The following HDLBP variants were observed in gnomAD, a reference collection of about 807,000 sequenced individuals.
HDLBP encodes the protein high density lipoprotein binding protein, also known as vigilin.
HDLBP carries 30 observed loss-of-function variants against 137.3 expected under a neutral mutation model. The ratio of observed to expected loss-of-function variants is 0.22; its 90% CI spans 0.16 to 0.30. HDLBP has a LOEUF of 0.30. Among genes scored for constraint, HDLBP ranks in the 10% least tolerant of loss-of-function variants. The pLI, the probability that HDLBP is intolerant of heterozygous loss-of-function variation, is 1.00. For missense variants in HDLBP, 1,119 were observed against 1,667.3 expected, an observed-to-expected ratio of 0.67 and a Z score of 5.73; for synonymous variants, 606 against 596.0, an observed-to-expected ratio of 1.02 and a Z score of -0.24.
intron 3 of HDLBP, among the ~76,000 whole-genome samples, chr2:241,265,476 G>T (rs1212681726): frequency 1.3e-5 from 2 of 152,184 alleles, no homozygotes; most frequent in Non-Finnish European, 2.9e-5. Context: ...CCTGCCCAAG[G>T]CAGAGGACAG....
At chr2:241,260,563 A>T (rs1574951705) in intron 5 of HDLBP, among the ~76,000 whole-genome samples, 2 of 152,332 alleles carry the variant, frequency 1.3e-5, no homozygotes, top group African/African-American at 4.8e-5. Flanking sequence ...CAACTAATGT[A>T]TGAGCAGGGA....
At chr2:241,257,770 C>A (rs951664114) in intron 5 of HDLBP, among the ~76,000 whole-genome samples, 5 of 151,982 alleles carry the variant, frequency 3.3e-5, no homozygotes, top group African/African-American at 1.2e-4. Flanking sequence ...ACAAGAAAAC[C>A]CTGAAAAAGA....
chr2:241,263,122 GGA>G (rs2073335131), intron 4 of HDLBP, among the ~76,000 whole-genome samples, 196 bp from the exon 5 acceptor site: 2 of 152,248 alleles, frequency 1.3e-5, no homozygotes, highest in Admixed American at 6.5e-5. Context: ...GACATCCTAA[GGA>G]GAGAACCACA....
At chr2:241,273,203 G>A (rs527731159) in intron 1 of HDLBP, 155 of 985,382 alleles carry the variant, frequency 1.6e-4, no homozygotes, top group Middle Eastern at 5.2e-4. Flanking sequence ...ATCGTAAACG[G>A]ATGGCCACAC....
chr2:241,291,397 C>T (rs570294356), intron 1 of HDLBP, among the ~76,000 whole-genome samples: 1 of 152,218 alleles, frequency 6.6e-6, no homozygotes, highest in East Asian at 1.9e-4. Context: ...ATGACACAAG[C>T]CAACTTGGGT....
At chr2:241,265,131 C>T (rs552061902) in intron 3 of HDLBP, among the ~76,000 whole-genome samples, 35 of 152,272 alleles carry the variant, frequency 2.3e-4, no homozygotes, top group East Asian at 3.9e-4. Context: ...AAATGATTGC[C>T]GTGGAGGCCG....
intron 1 of HDLBP, among the ~76,000 whole-genome samples, chr2:241,311,195 C>A (rs1444466608): frequency 6.6e-6 from 1 of 152,106 alleles, no homozygotes; most frequent in African/African-American, 2.4e-5. Flanking sequence ...TAGTCACACA[C>A]AAAGGCTCTA....
rs1194166211 is a variant in HDLBP at position 241,242,597 on chromosome 2, A to T, written c.2032T>A (p.Ser678Thr). The change falls in exon 17 of 28, where the codon TCC (serine) becomes ACC (threonine). Residue 678 changes from serine to threonine, a missense_variant. Physicochemically the swap from Ser to Thr is moderately conservative, Grantham distance 58. Coordinates refer to ENST00000310931, the MANE Select transcript of HDLBP (RefSeq NM_005336.6). ...LIGTKGRLIRSIMEECGGVHI... is the reference protein window; with the variant it reads ...LIGTKGRLIRTIMEECGGVHI... ...ACCCCGCCGCACTCCTCCATGATGG[A>T]GCGGATCAGACGGCCCTTGGTGCCA... 6.2e-7 allele frequency: 1 copy of T among 1,614,176 alleles called. No homozygotes were observed. The highest frequency in any genetic ancestry group is 8.5e-7 in the Non-Finnish European group (1 of 1,180,018).
intron 1 of HDLBP, among the ~76,000 whole-genome samples, chr2:241,314,667 T>C (rs1453320340): frequency 6.6e-6 from 1 of 152,174 alleles, no homozygotes; most frequent in East Asian, 1.9e-4. Context: ...AAACACCATG[T>C]CAAGTCTGAC....
chr2:241,255,959 G>A (rs2072580492), intron 7 of HDLBP, among the ~76,000 whole-genome samples: 1 of 152,232 alleles, frequency 6.6e-6, no homozygotes, highest in Non-Finnish European at 1.5e-5. Context: ...CAGCCTGTCA[G>A]CACAGTCAGA....
chr2:241,305,981 C>T (rs1315460450), intron 1 of HDLBP, among the ~76,000 whole-genome samples: 4 of 151,952 alleles, frequency 2.6e-5, no homozygotes, highest in African/African-American at 9.7e-5. Flanking sequence ...AGGATGGTCT[C>T]GATCTCCTGA....
At position 241,230,233 on chromosome 2, in the gene HDLBP, G is replaced by A; in HGVS notation, c.3511C>T (p.Pro1171Ser). Residue 1171 changes from proline (P) to serine (S), a missense_variant, in exon 26 of 28, where the codon CCC becomes TCC. Pro to Ser is a moderately conservative substitution (Grantham distance 74). Transcript: ENST00000310931. The surrounding 1 kb of genome is among the most constrained non-coding windows in gnomAD (Gnocchi z 5.0). ...IRFPQSGAPD[P>S]NCVTVTGLPE... ...AGCCCCGTCACAGTGACGCAGTTGGGGTCTGGGGCTCCGCTCTGTGGGAAG... is the reference window on the plus strand; with the variant it reads ...AGCCCCGTCACAGTGACGCAGTTGGAGTCTGGGGCTCCGCTCTGTGGGAAG... The A allele has an allele frequency of 1.9e-6, 3 of 1,610,900 alleles. No homozygotes were observed. The highest frequency in any genetic ancestry group is 2.5e-6 in the Non-Finnish European group (3 of 1,177,556).
Position 241,253,010 on chromosome 2 carries a change from A to G in HDLBP, c.1319T>C (p.Ile440Thr), listed in dbSNP as rs923651807. 1.2e-6 allele frequency: 2 copies of G among 1,608,960 alleles called. No homozygotes were observed. Among genetic ancestry groups the G allele is most frequent in the Admixed American group, 3.3e-5 (2 of 59,942 alleles). The part of the protein sequence containing the change: ...DLINRMDYVE[I>T]NIDHKFHRHL... ...CCTGTGGAACTTGTGGTCGATGTTGATCTCCACATAGTCCATCCGGTTAAT... is the reference window on the plus strand; with the variant it reads ...CCTGTGGAACTTGTGGTCGATGTTGGTCTCCACATAGTCCATCCGGTTAAT... Residue 440 changes from isoleucine (I) to threonine (T), a missense_variant, in exon 11 of 28, where the codon ATC becomes ACC. By Grantham distance (89) the Ile-to-Thr change is moderately conservative. Coordinates refer to ENST00000310931, the MANE Select transcript of HDLBP (RefSeq NM_005336.6).
chr2:241,246,599 G>T, intron 16 of HDLBP, 153 bp downstream of exon 16: 1 of 736,012 alleles, frequency 1.4e-6, no homozygotes, highest in Non-Finnish European at 2.3e-6. Context: ...GAAAACTGCT[G>T]ACCAACTCAT....
chr2:241,241,571 A>AAC (rs1489889147), intron 17 of HDLBP, among the ~76,000 whole-genome samples: 27 of 54,136 alleles, frequency 5.0e-4, no homozygotes, highest in Non-Finnish European at 1.0e-3. Context: ...CGTCTCAAAA[A>AAC]AAAAAAAAAA....
At chr2:241,283,716 C>T (rs557679087) in intron 1 of HDLBP, among the ~76,000 whole-genome samples, 37 of 152,208 alleles carry the variant, frequency 2.4e-4, no homozygotes, top group Non-Finnish European at 4.1e-4. Context: ...CCTCGTGATC[C>T]GCCCACCTCA....
rs535577447 is a variant in HDLBP at position 241,240,709 on chromosome 2, C to T, written c.2170-587G>A. Reference sequence around the variant, plus strand: ...GCCAACCAAGGCTACAGTTAGAGACCGGTCCTCAGAGGCCTCGTGTAGTGC... The same window carrying T: ...GCCAACCAAGGCTACAGTTAGAGACTGGTCCTCAGAGGCCTCGTGTAGTGC... On this transcript the variant is annotated intron_variant, in intron 17 of 27. Transcript: ENST00000310931. The surrounding 1 kb of genome is among the most constrained non-coding windows in gnomAD (Gnocchi z 5.5). 1.9e-3 allele frequency among the ~76,000 whole-genome samples: 291 copies of T among 150,394 alleles called. 1 individual carries two copies. The highest frequency in any genetic ancestry group is 5.2e-3 in the Admixed American group (79 of 15,262).
Position 241,238,700 on chromosome 2 carries a change from T to C in HDLBP, c.2698A>G (p.Thr900Ala). ...TTAATTTGAACACTGAAATCCCGAG[T>C]AATCTGCTGGATTCTGGAACCTTTG... ...GPKGSRIQQI[T>A]RDFSVQIKFP... Residue 900 changes from threonine (T) to alanine (A), a missense_variant, in exon 20 of 28, where the codon ACT becomes GCT. Thr to Ala is a moderately conservative substitution (Grantham distance 58). This residue lies in a region of HDLBP where 618 missense variants were observed against 816.7 expected (regional missense o/e 0.76). Coordinates refer to ENST00000310931, the MANE Select transcript of HDLBP (RefSeq NM_005336.6). This position sits in a 1 kb window ranked among gnomAD's most constrained non-coding sequence, Gnocchi z 4.9. 1 of 1,589,354 alleles carries C rather than the reference T, an allele frequency of 6.3e-7. No homozygotes were observed. The highest frequency in any genetic ancestry group is 1.1e-5 in the South Asian group (1 of 88,486).
chr2:241,308,360 A>G (rs556601453), intron 1 of HDLBP, among the ~76,000 whole-genome samples: 3 of 152,352 alleles, frequency 2.0e-5, no homozygotes, highest in Non-Finnish European at 4.4e-5. Flanking sequence ...TTATAAATTT[A>G]AGTGAAACTC....
Sources: allele counts gnomAD v4.1 joint callset (sites outside exome capture counted in the v4.1 genomes callset), GRCh38; gene constraint gnomAD v4.1.1; regional missense constraint gnomAD v4.1.1; non-coding constraint Gnocchi (gnomAD v3.1); transcripts MANE v1.5; gene names NCBI Gene and HGNC (gene_info 2026-07-23, HGNC 2026-07-21).